MYRIP: variants seen among roughly 807,000 people sequenced by gnomAD.
The protein encoded by MYRIP is rab effector MyRIP.
A neutral mutation model predicts 98.0 loss-of-function variants in MYRIP; 49 were observed. The observed-to-expected ratio is 0.50, with a 90% CI of 0.40 to 0.63. The LOEUF is 0.63. Among genes scored for constraint, MYRIP ranks in the 30% least tolerant of loss-of-function variants. The pLI is 0.00. For missense variants in MYRIP, 1,004 were observed against 1,058.2 expected, an observed-to-expected ratio of 0.95 and a Z score of 0.71; for synonymous variants, 404 against 409.5, an observed-to-expected ratio of 0.99 and a Z score of 0.16.
chr3:40,156,087 T>C (rs1383481010), intron 4 of MYRIP, among the ~76,000 whole-genome samples: 1 of 151,970 alleles, frequency 6.6e-6, no homozygotes, highest in Non-Finnish European at 1.5e-5. Context: ...TCCTGAATGG[T>C]ATTGCCTAGG....
intron 5 of MYRIP, among the ~76,000 whole-genome samples, chr3:40,165,546 A>G (rs1950482387): frequency 6.6e-6 from 1 of 152,190 alleles, no homozygotes; most frequent in South Asian, 2.1e-4. Flanking sequence ...AAGGAGACCC[A>G]GGTACCTAGC....
chr3:40,222,487 A>G (rs1319714371), intron 11 of MYRIP, among the ~76,000 whole-genome samples: 1 of 152,088 alleles, frequency 6.6e-6, no homozygotes, highest in Non-Finnish European at 1.5e-5. Flanking sequence ...CTCACAATTA[A>G]GTGGGTAAAT....
chr3:40,033,064 G>C (rs1337511263), intron 2 of MYRIP, among the ~76,000 whole-genome samples: 1 of 150,748 alleles, frequency 6.6e-6, no homozygotes, highest in Non-Finnish European at 1.5e-5. Context: ...TTGATGGGAC[G>C]TATCTCAAAA....
intron 1 of MYRIP, among the ~76,000 whole-genome samples, chr3:39,827,421 T>C (rs938217291): frequency 6.6e-5 from 10 of 152,194 alleles, no homozygotes; most frequent in Admixed American, 1.3e-4. Flanking sequence ...CCAGGTCTTA[T>C]TTTTTTAATC....
At chr3:40,015,034 T>A (rs1406809587) in intron 2 of MYRIP, among the ~76,000 whole-genome samples, 1 of 152,102 alleles carries the variant, frequency 6.6e-6, no homozygotes, top group Non-Finnish European at 1.5e-5. Context: ...TCTATTTGCT[T>A]TTCCTAGTGG....
At chr3:39,819,764 C>T (rs1034443941) in intron 1 of MYRIP, among the ~76,000 whole-genome samples, 1 of 152,194 alleles carries the variant, frequency 6.6e-6, no homozygotes, top group East Asian at 1.9e-4. Context: ...AGAAACCTCT[C>T]CCACTTCCAA....
chr3:39,818,097 A>G (rs1940981260), intron 1 of MYRIP, among the ~76,000 whole-genome samples: 1 of 152,192 alleles, frequency 6.6e-6, no homozygotes, highest in African/African-American at 2.4e-5. Flanking sequence ...AATTTGTTCA[A>G]TGAAACCATT....
At chr3:39,947,901 T>C (rs566336733) in intron 2 of MYRIP, among the ~76,000 whole-genome samples, 2 of 152,308 alleles carry the variant, frequency 1.3e-5, no homozygotes, top group South Asian at 2.1e-4. Flanking sequence ...TCAGTGATTG[T>C]CAACTTTGGC....
intron 9 of MYRIP, among the ~76,000 whole-genome samples, chr3:40,186,361 T>C (rs1951034876): frequency 6.6e-6 from 1 of 152,102 alleles, no homozygotes; most frequent in East Asian, 1.9e-4. Flanking sequence ...TATAGTTTAT[T>C]TGGGAGGTGA....
chr3:40,008,207 G>C (rs1559558819), intron 2 of MYRIP, among the ~76,000 whole-genome samples: 1 of 151,970 alleles, frequency 6.6e-6, no homozygotes, highest in African/African-American at 2.4e-5. Flanking sequence ...AATATTATAT[G>C]GTACAAGGTA....
At chr3:39,966,339 A>C (rs1037933000) in intron 2 of MYRIP, among the ~76,000 whole-genome samples, 1 of 152,202 alleles carries the variant, frequency 6.6e-6, no homozygotes, top group Non-Finnish European at 1.5e-5. Flanking sequence ...GGTTACCAGA[A>C]AACAGGTTAC....
At chr3:40,254,979 T>C in intron 16 of MYRIP, among the ~76,000 whole-genome samples, 1 of 152,178 alleles carries the variant, frequency 6.6e-6, no homozygotes, top group East Asian at 1.9e-4. Flanking sequence ...CTCATGAGGA[T>C]AGAAGCACCA....
chr3:39,918,754 G>C (rs1033190421), intron 2 of MYRIP, among the ~76,000 whole-genome samples: 1 of 152,196 alleles, frequency 6.6e-6, no homozygotes, highest in Admixed American at 6.5e-5. Context: ...CTCAGAGCAT[G>C]ACCAAAAAAC....
intron 1 of MYRIP, among the ~76,000 whole-genome samples, chr3:39,839,815 T>G (rs1429722362): frequency 6.6e-6 from 1 of 152,238 alleles, no homozygotes; most frequent in Non-Finnish European, 1.5e-5. Context: ...AGAGTTCTAT[T>G]TTGTTTGCAC....
intron 2 of MYRIP, among the ~76,000 whole-genome samples, chr3:40,019,680 A>G (rs558486179): frequency 1.1e-3 from 167 of 152,308 alleles, no homozygotes; most frequent in African/African-American, 4.0e-3. Context: ...TGAAAGAATG[A>G]ATGAATGTTC....
At chr3:39,841,998 C>A (rs116611648) in intron 1 of MYRIP, among the ~76,000 whole-genome samples, 1 of 152,144 alleles carries the variant, frequency 6.6e-6, no homozygotes, top group East Asian at 1.9e-4. Context: ...CTGGGAGATT[C>A]GCTGATCTCT....
intron 10 of MYRIP, among the ~76,000 whole-genome samples, chr3:40,196,295 T>C (rs1360362897): frequency 6.6e-6 from 1 of 152,190 alleles, no homozygotes; most frequent in African/African-American, 2.4e-5. Context: ...CTTGTTTTCA[T>C]ACATGTTTTT....
chr3:40,164,024 C>CTG (rs1950453181), intron 5 of MYRIP, among the ~76,000 whole-genome samples: 2 of 152,100 alleles, frequency 1.3e-5, no homozygotes, highest in Admixed American at 1.3e-4. Context: ...GTTCTACACT[C>CTG]AGATTTCTAA....
At chr3:39,876,542 G>A (rs2125637686) in intron 1 of MYRIP, among the ~76,000 whole-genome samples, 1 of 152,058 alleles carries the variant, frequency 6.6e-6, no homozygotes, top group Non-Finnish European at 1.5e-5. Context: ...GCCTGGTGGT[G>A]ACAAAATCTC....
Sources: allele counts gnomAD v4.1 joint callset (sites outside exome capture counted in the v4.1 genomes callset), GRCh38; gene constraint gnomAD v4.1.1; transcripts MANE v1.5; gene names NCBI Gene and HGNC (gene_info 2026-07-23, HGNC 2026-07-21).